Variants in DISC1 observed in about 807,000 individuals in gnomAD.
The protein encoded by DISC1 is disrupted in schizophrenia 1 protein.
Under a neutral mutation model 84.5 loss-of-function variants are expected in DISC1, and 57 were observed. That is an observed-to-expected ratio of 0.67 (90% CI 0.55 to 0.84). The LOEUF (loss-of-function observed/expected upper bound fraction) is 0.84. Ranked by LOEUF, DISC1 falls within the 40% of genes least tolerant of loss-of-function variation. The pLI, the probability that DISC1 is intolerant of heterozygous loss-of-function variation, is 0.00. For missense variants in DISC1, 1,000 were observed against 1,057.8 expected (o/e 0.95, Z 0.76); for synonymous variants, 411 against 415.2 (o/e 0.99, Z 0.12).
chr1:231,931,082 C>T (rs1396829140), intron 9 of DISC1, among the ~76,000 whole-genome samples: 2 of 152,298 alleles, frequency 1.3e-5, no homozygotes, highest in African/African-American at 4.8e-5. Context: ...ACATTGTCTT[C>T]AAGACCCACT....
In DISC1 at chr1:232,036,877, C is replaced by T. The variant is rs370641830; in HGVS notation, c.*46C>T. On this transcript the variant is annotated 3_prime_UTR_variant, in exon 13 of 13. Transcript: ENST00000439617. The stretch of plus-strand genomic sequence containing the variant: ...GGAGGTGGGCCACCATGTTTGGACC[C>T]GGGGGGCTGCTCTTCCCTCCCCCGC... The T allele has an allele frequency of 3.6e-5, 52 of 1,439,992 alleles. No individual in the cohort carries two copies. In the African/African-American group the frequency reaches 5.2e-4, roughly 14 times the overall value. The allele number at this position is 1,439,992 out of a possible 1,614,324, so 89.2% of individuals were successfully genotyped here.
At chr1:231,994,661 T>C (rs1230305124) in intron 10 of DISC1, among the ~76,000 whole-genome samples, 1 of 152,162 alleles carries the variant, frequency 6.6e-6, no homozygotes, top group Non-Finnish European at 1.5e-5. Context: ...ACAATGGTGA[T>C]GATGGTGGTG....
chr1:232,027,767 T>G (rs1180492590), intron 12 of DISC1, among the ~76,000 whole-genome samples: 1 of 151,720 alleles, frequency 6.6e-6, no homozygotes, highest in Non-Finnish European at 1.5e-5. Context: ...CTTTTTAGAA[T>G]TCCAGTTTTT....
At chr1:231,758,946 C>T (rs1430889173) in intron 4 of DISC1, among the ~76,000 whole-genome samples, 6 of 152,120 alleles carry the variant, frequency 3.9e-5, no homozygotes. Flanking sequence ...CACAAAATGT[C>T]CTTTATCGAA....
At chr1:231,980,818 T>C (rs534656273) in intron 10 of DISC1, among the ~76,000 whole-genome samples, 1 of 152,330 alleles carries the variant, frequency 6.6e-6, no homozygotes, top group South Asian at 2.1e-4. Context: ...GGTCCTTTTT[T>C]TGAGGGGTGG....
intron 2 of DISC1, among the ~76,000 whole-genome samples, chr1:231,696,652 C>T (rs116558422): frequency 0.026 from 3,985 of 152,316 alleles, 87 homozygotes; most frequent in African/African-American, 0.06. Flanking sequence ...GTGAGATTAT[C>T]GTACTGTGTT....
At chr1:231,833,438 G>C (rs913057264) in intron 9 of DISC1, among the ~76,000 whole-genome samples, 10 of 151,834 alleles carry the variant, frequency 6.6e-5, no homozygotes, top group East Asian at 5.8e-4. Context: ...TGATGGTCTA[G>C]GGGGCTTCCA....
intron 9 of DISC1, among the ~76,000 whole-genome samples, chr1:231,907,189 T>G (rs2088802328): frequency 6.7e-6 from 1 of 149,804 alleles, no homozygotes; most frequent in African/African-American, 2.5e-5. Context: ...TATTATACTT[T>G]AAGTTCTAGG....
At chr1:231,926,677 G>A (rs199686065) in intron 9 of DISC1, among the ~76,000 whole-genome samples, 1 of 152,186 alleles carries the variant, frequency 6.6e-6, no homozygotes, top group African/African-American at 2.4e-5. Flanking sequence ...AAGGGAGGAT[G>A]AGGCAGTAAT....
chr1:232,009,401 A>G lies in DISC1; in HGVS notation c.2307+352A>G. On this transcript the variant is annotated intron_variant, in intron 11 of 12. Transcript: ENST00000439617. The surrounding 1 kb of genome is among the most constrained non-coding windows in gnomAD (Gnocchi z 4.6). ...ATATTCACTATAGATTATATATGCC[A>G]TACATGATATTTAACATATATACTA... is the stretch of plus-strand genomic sequence containing the variant. The G allele has an allele frequency of 2.8e-6, 2 of 725,802 alleles. No homozygotes were observed. The highest frequency in any genetic ancestry group is 1.7e-6 in the Non-Finnish European group (1 of 585,108). The allele number at this position is 725,802 out of a possible 1,614,324, so 45.0% of individuals were successfully genotyped here.
chr1:231,796,609 G>A (rs139757821), intron 7 of DISC1, among the ~76,000 whole-genome samples: 113 of 152,244 alleles, frequency 7.4e-4, no homozygotes, highest in African/African-American at 2.6e-3. Flanking sequence ...TTTGCTAAAG[G>A]TCACAGAGCC....
At chr1:231,874,452 C>A (rs1343386093) in intron 9 of DISC1, among the ~76,000 whole-genome samples, 1 of 151,990 alleles carries the variant, frequency 6.6e-6, no homozygotes, top group Non-Finnish European at 1.5e-5. Flanking sequence ...AGCCACCGCG[C>A]CCAGCCAATA....
chr1:231,760,820 A>T (rs924960287), intron 4 of DISC1, among the ~76,000 whole-genome samples: 1 of 152,212 alleles, frequency 6.6e-6, no homozygotes, highest in Non-Finnish European at 1.5e-5. Context: ...TGCCAAGGGC[A>T]CTAGAGGGCC....
intron 1 of DISC1, among the ~76,000 whole-genome samples, chr1:231,692,770 A>G (rs2065203592): frequency 6.6e-6 from 1 of 152,208 alleles, no homozygotes; most frequent in Non-Finnish European, 1.5e-5. Context: ...TCACTTGGCT[A>G]CTTGCAGGGG....
At chr1:231,937,613 C>T (rs146884034) in intron 9 of DISC1, among the ~76,000 whole-genome samples, 2,503 of 152,304 alleles carry the variant, frequency 0.016, 33 homozygotes, top group Admixed American at 0.025. Flanking sequence ...ATGGTCTCTT[C>T]TCTGCGGCTC....
intron 3 of DISC1, among the ~76,000 whole-genome samples, chr1:231,747,698 T>C (rs372237247): frequency 2.6e-5 from 4 of 152,356 alleles, no homozygotes; most frequent in African/African-American, 9.6e-5. Flanking sequence ...GGTAGTGTGA[T>C]ACCTCCAGTG....
chr1:231,880,471 T>C (rs1230207563), intron 9 of DISC1, among the ~76,000 whole-genome samples: 6 of 152,220 alleles, frequency 3.9e-5, no homozygotes, highest in Admixed American at 2.6e-4. Flanking sequence ...CAAATTAAAG[T>C]TTGAATATTT....
chr1:231,898,695 G>A (rs1051460824), intron 9 of DISC1, among the ~76,000 whole-genome samples: 3 of 152,180 alleles, frequency 2.0e-5, no homozygotes, highest in Admixed American at 2.0e-4. Flanking sequence ...ACTTTGGGAG[G>A]CTGAGGCAGG....
intron 8 of DISC1, among the ~76,000 whole-genome samples, chr1:231,815,679 A>G (rs1265572906): frequency 6.6e-6 from 1 of 151,354 alleles, no homozygotes; most frequent in South Asian, 2.1e-4. Flanking sequence ...TGGAGGTTGC[A>G]GTGAGCTGAG....
Sources: gnomAD v4.1 joint callset for allele counts (sites outside exome capture counted in the v4.1 genomes callset) on GRCh38, gnomAD v4.1.1 for gene constraint, Gnocchi (gnomAD v3.1) non-coding constraint, MANE v1.5 for transcripts, NCBI Gene and HGNC (gene_info 2026-07-23, HGNC 2026-07-21) for gene names.